The following HS6ST3 variants were observed in gnomAD, a reference collection of about 807,000 sequenced individuals.
HS6ST3 encodes heparan-sulfate 6-O-sulfotransferase 3.
HS6ST3 carries 12 observed loss-of-function variants against 36.7 expected under a neutral mutation model. The ratio of observed to expected loss-of-function variants is 0.33; its 90% confidence interval spans 0.21 to 0.53. HS6ST3 has a LOEUF of 0.53. Among genes scored for constraint, HS6ST3 ranks in the 20% least tolerant of loss-of-function variants. HS6ST3 has a pLI of 0.95. For synonymous variants in HS6ST3, 240 were observed against 257.5 expected (o/e 0.93, Z 0.65); for missense variants, 584 against 640.9 (o/e 0.91, Z 0.96).
chr13:96,387,545 G>T (rs1216938687), intron 1 of HS6ST3, among the ~76,000 whole-genome samples: 1 of 152,166 alleles, frequency 6.6e-6, no homozygotes, highest in Non-Finnish European at 1.5e-5. Context: ...AGAATGCAGA[G>T]AATTATAATA....
chr13:96,212,493 C>T (rs1350112387), intron 1 of HS6ST3, among the ~76,000 whole-genome samples: 2 of 152,014 alleles, frequency 1.3e-5, no homozygotes, highest in African/African-American at 2.4e-5. Flanking sequence ...GTTCAAATTA[C>T]ATAAATGTAG....
chr13:96,746,401 C>T (rs940384492), intron 1 of HS6ST3, among the ~76,000 whole-genome samples: 5 of 151,768 alleles, frequency 3.3e-5, no homozygotes, highest in Non-Finnish European at 7.4e-5. Flanking sequence ...TCATTTCTCC[C>T]CAAATTCTAA....
intron 1 of HS6ST3, among the ~76,000 whole-genome samples, chr13:96,110,704 G>A (rs887149158): frequency 4.6e-5 from 7 of 152,084 alleles, no homozygotes; most frequent in South Asian, 2.1e-4. Flanking sequence ...GATTACAGGC[G>A]TGAGCCACCA....
chr13:96,407,921 A>G (rs898690568), intron 1 of HS6ST3, among the ~76,000 whole-genome samples: 3 of 152,112 alleles, frequency 2.0e-5, no homozygotes, highest in Non-Finnish European at 4.4e-5. Flanking sequence ...CCATATTGAT[A>G]ATATTCAGGA....
intron 1 of HS6ST3, among the ~76,000 whole-genome samples, chr13:96,568,341 A>G (rs2056289190): frequency 6.6e-6 from 1 of 152,166 alleles, no homozygotes; most frequent in Non-Finnish European, 1.5e-5. Context: ...ATCTCAGCTC[A>G]CTGCAACCTC....
At chr13:96,263,043 T>C (rs2054674208) in intron 1 of HS6ST3, among the ~76,000 whole-genome samples, 1 of 152,180 alleles carries the variant, frequency 6.6e-6, no homozygotes, top group Non-Finnish European at 1.5e-5. Flanking sequence ...TTTAAAGTTT[T>C]ACAAAACAAA....
intron 1 of HS6ST3, among the ~76,000 whole-genome samples, chr13:96,674,142 C>T (rs1185237811): frequency 6.6e-6 from 1 of 152,036 alleles, no homozygotes; most frequent in Non-Finnish European, 1.5e-5. Flanking sequence ...CTTCCCCTTG[C>T]TGTTTTCATG....
At chr13:96,200,888 C>T (rs1332699967) in intron 1 of HS6ST3, among the ~76,000 whole-genome samples, 1 of 152,192 alleles carries the variant, frequency 6.6e-6, no homozygotes, top group Non-Finnish European at 1.5e-5. Context: ...CTAGCCTGAT[C>T]CCACCATCCC....
intron 1 of HS6ST3, among the ~76,000 whole-genome samples, chr13:96,175,459 G>C (rs2054207973): frequency 6.6e-6 from 1 of 151,788 alleles, no homozygotes; most frequent in Admixed American, 6.6e-5. Flanking sequence ...ACACTTGCTG[G>C]TTCCTTTCGG....
chr13:96,121,562 T>C (rs548883459), intron 1 of HS6ST3, among the ~76,000 whole-genome samples: 1 of 152,362 alleles, frequency 6.6e-6, no homozygotes, highest in African/African-American at 2.4e-5. Flanking sequence ...CAATTGCTAA[T>C]AGCCCGAACC....
rs9556530 is a variant in HS6ST3 at position 96,204,983 on chromosome 13, A to C, written c.707+113414A>C. 1.8e-4 allele frequency among the ~76,000 whole-genome samples: 27 copies of C among 152,298 alleles called. 1 individual carries two copies. The East Asian group carries it at 5.0e-3, about 28-fold the overall frequency. The stretch of plus-strand genomic sequence containing the variant: ...TCTAGCAAAAGACAAGATATAACCA[A>C]AATCAGAGCTGAACTGGAGGAGATA... On this transcript the variant is annotated intron_variant, in intron 1 of 1. Coordinates refer to ENST00000376705, the MANE Select transcript of HS6ST3 (RefSeq NM_153456.4).
At chr13:96,821,689 C>T (rs1396319255) in intron 1 of HS6ST3, among the ~76,000 whole-genome samples, 2 of 152,168 alleles carry the variant, frequency 1.3e-5, no homozygotes, top group Non-Finnish European at 2.9e-5. Context: ...ACCTCAGAGA[C>T]AATCTTTGTT....
At chr13:96,447,613 C>G (rs1250115752) in intron 1 of HS6ST3, among the ~76,000 whole-genome samples, 1 of 152,150 alleles carries the variant, frequency 6.6e-6, no homozygotes, top group Non-Finnish European at 1.5e-5. Flanking sequence ...TGGCTGCCCC[C>G]ACATATCCCC....
chr13:96,677,464 T>G (rs950484283), intron 1 of HS6ST3, among the ~76,000 whole-genome samples: 1 of 152,110 alleles, frequency 6.6e-6, no homozygotes, highest in Non-Finnish European at 1.5e-5. Context: ...CATTTTAAAT[T>G]TAATTTAGGG....
chr13:96,488,401 A>G (rs748816333), intron 1 of HS6ST3, among the ~76,000 whole-genome samples: 1 of 152,120 alleles, frequency 6.6e-6, no homozygotes, highest in Admixed American at 6.6e-5. Flanking sequence ...TACATACTAT[A>G]GTATGTTATT....
intron 1 of HS6ST3, among the ~76,000 whole-genome samples, chr13:96,432,004 T>A (rs1448690978): frequency 6.6e-6 from 1 of 152,220 alleles, no homozygotes; most frequent in South Asian, 2.1e-4. Flanking sequence ...TGAGTGGTCC[T>A]CTCCTGCTTT....
intron 1 of HS6ST3, among the ~76,000 whole-genome samples, chr13:96,694,065 T>C (rs956020807): frequency 1.3e-5 from 2 of 152,180 alleles, no homozygotes; most frequent in Non-Finnish European, 2.9e-5. Flanking sequence ...AGATTCATTA[T>C]AGAGGTAAAC....
chr13:96,632,324 T>G (rs574456110), intron 1 of HS6ST3, among the ~76,000 whole-genome samples: 1 of 151,896 alleles, frequency 6.6e-6, no homozygotes, highest in African/African-American at 2.4e-5. Flanking sequence ...TTTTTTTGTT[T>G]GTTTGTTTTT....
intron 1 of HS6ST3, among the ~76,000 whole-genome samples, chr13:96,534,107 A>G (rs1178320087): frequency 1.3e-5 from 2 of 152,190 alleles, no homozygotes; most frequent in Admixed American, 6.5e-5. Context: ...ATAAGACCAC[A>G]GACACAGTTT....
Sources: allele counts gnomAD v4.1 joint callset (sites outside exome capture counted in the v4.1 genomes callset), GRCh38; gene constraint gnomAD v4.1.1; transcripts MANE v1.5; gene names NCBI Gene and HGNC (gene_info 2026-07-23, HGNC 2026-07-21).